Variants in AKT2 observed in about 807,000 individuals in gnomAD.
The protein encoded by AKT2 is RAC-beta serine/threonine-protein kinase.
A neutral mutation model predicts 58.6 loss-of-function variants in AKT2; 16 were observed. The ratio of observed to expected loss-of-function variants is 0.27; its 90% CI spans 0.18 to 0.41. The LOEUF is 0.41. Ranked by LOEUF, AKT2 falls within the 10% of genes least tolerant of loss-of-function variation. AKT2 has a pLI of 1.00. For synonymous variants in AKT2, 253 were observed against 254.0 expected (o/e 1.00, Z 0.04); for missense variants, 438 against 661.0 (o/e 0.66, Z 3.70).
rs199536208 is a variant in AKT2 at position 40,233,905 on chromosome 19, G to A, written c.1413C>T (p.Pro471=). 6 of 1,612,018 alleles carry A rather than the reference G, an allele frequency of 3.7e-6. No homozygotes were observed. Among genetic ancestry groups the A allele is most frequent in the Middle Eastern group, 3.3e-4 (2 of 6,056 alleles). ...LLELDQRTHF[P]QFSYSASIRE is the part of the protein sequence containing the mutation. ...GGATGCTGGCCGAGTAGGAGAACTG[G>A]GGGAAGTGGGTCCGCTGGTCCAGCT... The change falls in exon 14 of 14, where the codon CCC becomes CCT. Residue 471 remains proline, a synonymous_variant. Coordinates refer to ENST00000392038, the MANE Select transcript of AKT2 (RefSeq NM_001626.6). This position sits in a 1 kb window ranked among gnomAD's most constrained non-coding sequence, Gnocchi z 4.3.
At chr19:40,264,191 C>T (rs1028666049) in intron 2 of AKT2, among the ~76,000 whole-genome samples, 1 of 152,158 alleles carries the variant, frequency 6.6e-6, no homozygotes, top group Non-Finnish European at 1.5e-5. Flanking sequence ...GGCAGCCAAC[C>T]GCCACACCTG....
intron 9 of AKT2, 93 bp from the exon 10 acceptor site, chr19:40,236,478 G>A (rs1974034696): frequency 1.2e-5 from 18 of 1,558,160 alleles, no homozygotes; most frequent in Non-Finnish European, 1.6e-5. Flanking sequence ...CGGGGCTCCT[G>A]GACATCAACC....
At chr19:40,271,022 A>C (rs2077201699) in intron 1 of AKT2, among the ~76,000 whole-genome samples, 4 of 137,486 alleles carry the variant, frequency 2.9e-5, no homozygotes, top group Admixed American at 6.9e-5. Flanking sequence ...CAAAAAACAG[A>C]CAAACAAACA....
In AKT2 at chr19:40,237,870, C is replaced by A; in HGVS notation, c.831+99G>T. 6.5e-7 allele frequency: 1 copy of A among 1,541,378 alleles called. No homozygotes were observed. On this transcript the variant is annotated intron_variant, in intron 9 of 13. Coordinates refer to ENST00000392038, the MANE Select transcript of AKT2 (RefSeq NM_001626.6). This position sits in a 1 kb window ranked among gnomAD's most constrained non-coding sequence, Gnocchi z 4.5. ...CACCACCCTGGACCTTGGTGGGGAG[C>A]CTGGCGAATGAGGGCAGAAGCTCAG...
At position 40,238,099 on chromosome 19, in the gene AKT2, A is replaced by T. The variant is rs1568522823; in HGVS notation, c.709-8T>A. On this transcript the variant is annotated splice_polypyrimidine_tract_variant and splice_region_variant and intron_variant, in intron 8 of 13. Transcript: ENST00000392038. This position sits in a 1 kb window ranked among gnomAD's most constrained non-coding sequence, Gnocchi z 5.1. Reference sequence around the variant, plus strand: ...GGACAGGTGGAAGAACAGCTGCAGGAGGAAGGGGTGGGGAGAGGAGGTCAG... The same window carrying T: ...GGACAGGTGGAAGAACAGCTGCAGGTGGAAGGGGTGGGGAGAGGAGGTCAG... 2 of 1,590,536 alleles carry T rather than the reference A, an allele frequency of 1.3e-6. No individual in the cohort carries two copies. Among genetic ancestry groups the T allele is most frequent in the South Asian group, 2.3e-5 (2 of 87,822 alleles).
chr19:40,273,961 C>G (rs566924567), intron 1 of AKT2, among the ~76,000 whole-genome samples: 4 of 152,160 alleles, frequency 2.6e-5, no homozygotes, highest in African/African-American at 9.7e-5. Context: ...CTGGTCTGCT[C>G]GCTCCAACAC....
intron 1 of AKT2, 177 bp downstream of exon 1, chr19:40,285,004 C>G: frequency 2.6e-6 from 1 of 377,902 alleles, no homozygotes; most frequent in Non-Finnish European, 4.7e-6. Context: ...GCCCCGGCCC[C>G]CCGAGGCTGG....
At chr19:40,259,928 G>A (rs1226243604) in intron 2 of AKT2, among the ~76,000 whole-genome samples, 2 of 152,106 alleles carry the variant, frequency 1.3e-5, no homozygotes, top group Non-Finnish European at 1.5e-5. Flanking sequence ...CGAGGCAGGC[G>A]GATCACTTGA....
At chr19:40,279,537 C>G (rs2077385331) in intron 1 of AKT2, 1 of 151,974 alleles carries the variant, frequency 6.6e-6, no homozygotes, top group African/African-American at 2.4e-5. Flanking sequence ...GCTTGGAGCT[C>G]AAGTCTGAAA....
Position 40,234,670 on chromosome 19 carries a change from G to C in AKT2, c.1366+375C>G, listed in dbSNP as rs1336199060. On this transcript the variant is annotated intron_variant, in intron 13 of 13. Coordinates refer to ENST00000392038, the MANE Select transcript of AKT2 (RefSeq NM_001626.6). This position sits in a 1 kb window ranked among gnomAD's most constrained non-coding sequence, Gnocchi z 4.7. Reference sequence around the variant, plus strand: ...CAGGCCGCCCACCCTACCTGGGCTGGGAGCTTTCCAGGGCAGGGCCCAGGG... The same window carrying C: ...CAGGCCGCCCACCCTACCTGGGCTGCGAGCTTTCCAGGGCAGGGCCCAGGG... The C allele has an allele frequency of 1.8e-6, 1 of 562,774 alleles. No homozygotes were observed. The highest frequency in any genetic ancestry group is 3.1e-6 in the Non-Finnish European group (1 of 319,422). The allele number at this position is 562,774 out of a possible 1,614,324, so 34.9% of individuals were successfully genotyped here. A position where few individuals can be genotyped will look rare whatever the true frequency, so the allele number is the denominator to read the frequency against.
chr19:40,268,087 T>G (rs1976492491), intron 1 of AKT2, among the ~76,000 whole-genome samples: 2 of 152,118 alleles, frequency 1.3e-5, no homozygotes, highest in Non-Finnish European at 2.9e-5. Context: ...TGGCTGGGAC[T>G]GAGAGAAGCC....
chr19:40,272,876 T>C (rs1024522987), intron 1 of AKT2, among the ~76,000 whole-genome samples: 14 of 152,186 alleles, frequency 9.2e-5, no homozygotes, highest in Admixed American at 7.2e-4. Flanking sequence ...CTGTGAGACC[T>C]TGGGCAAGTC....
chr19:40,240,798 T>C (rs1399686086), intron 6 of AKT2: 1 of 174,556 alleles, frequency 5.7e-6, no homozygotes, highest in Non-Finnish European at 1.2e-5. Context: ...TTTCCCTTTT[T>C]TTTTTTAGCT....
At chr19:40,271,521 C>A (rs550372513) in intron 1 of AKT2, among the ~76,000 whole-genome samples, 2 of 151,932 alleles carry the variant, frequency 1.3e-5, no homozygotes, top group Non-Finnish European at 2.9e-5. Context: ...GAGAAAGGCA[C>A]CTGGGGCAAG....
At chr19:40,251,759 AAAG>A (rs1413114639) in intron 4 of AKT2, among the ~76,000 whole-genome samples, 3 of 152,354 alleles carry the variant, frequency 2.0e-5, no homozygotes, top group African/African-American at 7.2e-5. Flanking sequence ...ACTAGTAAAC[AAAG>A]ATTATAATCA....
chr19:40,258,264 CAAAA>C (rs1157851432), intron 2 of AKT2, among the ~76,000 whole-genome samples: 4 of 105,368 alleles, frequency 3.8e-5, no homozygotes, highest in Non-Finnish European at 5.9e-5. Context: ...AAAAAAAAAA[CAAAA>C]AAAAAAACCT....
chr19:40,236,612 G>C (rs1235666040), intron 9 of AKT2: 1 of 599,452 alleles, frequency 1.7e-6, no homozygotes, highest in Non-Finnish European at 2.9e-6. Context: ...TGGGCAGGGA[G>C]AGCCGAGAGC....
intron 2 of AKT2, among the ~76,000 whole-genome samples, chr19:40,261,207 A>G (rs938721677): frequency 6.6e-6 from 1 of 152,212 alleles, no homozygotes; most frequent in African/African-American, 2.4e-5. Flanking sequence ...TGAATGGATT[A>G]ATGACATTAT....
chr19:40,279,542 C>G (rs1039724848), intron 1 of AKT2: 1 of 152,006 alleles, frequency 6.6e-6, no homozygotes, highest in Admixed American at 6.6e-5. Context: ...GAGCTCAAGT[C>G]TGAAAGACAC....
Sources: allele counts gnomAD v4.1 joint callset (sites outside exome capture counted in the v4.1 genomes callset), GRCh38; gene constraint gnomAD v4.1.1; non-coding constraint Gnocchi (gnomAD v3.1); transcripts MANE v1.5; gene names NCBI Gene and HGNC (gene_info 2026-07-23, HGNC 2026-07-21).